PARD3B: variants seen among roughly 807,000 people sequenced by gnomAD.
PARD3B encodes the protein partitioning defective 3 homolog B.
A neutral mutation model predicts 130.2 loss-of-function variants in PARD3B; 103 were observed. That is an observed-to-expected ratio of 0.79 (90% CI 0.67 to 0.93). The LOEUF (loss-of-function observed/expected upper bound fraction) is 0.93. Among genes scored for constraint, PARD3B ranks in the 40% least tolerant of loss-of-function variants. The pLI is 0.00. For synonymous variants in PARD3B, 583 were observed against 553.2 expected, an observed-to-expected ratio of 1.05 and a Z score of -0.76; for missense variants, 1,609 against 1,499.2, an observed-to-expected ratio of 1.07 and a Z score of -1.21.
At chr2:205,161,571 C>T (rs561138298) in intron 11 of PARD3B, among the ~76,000 whole-genome samples, 1 of 152,306 alleles carries the variant, frequency 6.6e-6, no homozygotes, top group African/African-American at 2.4e-5. Context: ...TCCACTGTTA[C>T]GCCTCGGAAA....
At position 205,300,841 on chromosome 2, in the gene PARD3B, C is replaced by A; in HGVS notation, c.2392+105C>A. 1 of 1,185,402 alleles carries A rather than the reference C, an allele frequency of 8.4e-7. No homozygotes were observed. Among genetic ancestry groups the A allele is most frequent in the Non-Finnish European group, 1.2e-6 (1 of 855,850 alleles). The allele number at this position is 1,185,402 out of a possible 1,614,324, so 73.4% of individuals were successfully genotyped here. On this transcript the variant is annotated intron_variant, in intron 17 of 22. Transcript: ENST00000406610. This position sits in a 1 kb window ranked among gnomAD's most constrained non-coding sequence, Gnocchi z 4.1. ...ACAGAAAAAAATGATTTAAGGATCA[C>A]AATTATATTTTTGATATTAAAAGTA...
intron 1 of PARD3B, among the ~76,000 whole-genome samples, chr2:204,643,815 A>C (rs751075000): frequency 2.6e-5 from 4 of 152,200 alleles, no homozygotes; most frequent in Non-Finnish European, 5.9e-5. Context: ...TATTCTCCAG[A>C]AAAAGTTCAT....
chr2:205,126,267 C>G (rs756863653), intron 10 of PARD3B, among the ~76,000 whole-genome samples: 1 of 152,078 alleles, frequency 6.6e-6, no homozygotes, highest in African/African-American at 2.4e-5. Flanking sequence ...AAAATGTATA[C>G]CCTTAGACCT....
chr2:205,413,104 A>G (rs1371806194), intron 19 of PARD3B, among the ~76,000 whole-genome samples: 1 of 152,188 alleles, frequency 6.6e-6, no homozygotes, highest in Non-Finnish European at 1.5e-5. Flanking sequence ...TGTTCCCTGT[A>G]CTAGCTGTGT....
chr2:205,041,384 T>A (rs1698390225), intron 3 of PARD3B, among the ~76,000 whole-genome samples: 1 of 152,226 alleles, frequency 6.6e-6, no homozygotes, highest in Non-Finnish European at 1.5e-5. Context: ...CTATTGCTCT[T>A]CTTCAAGCCA....
chr2:204,645,201 C>T (rs1001373566), intron 1 of PARD3B, among the ~76,000 whole-genome samples: 1 of 152,116 alleles, frequency 6.6e-6, no homozygotes, highest in South Asian at 2.1e-4. Flanking sequence ...TTCATTGGCT[C>T]TATGGTATTT....
intron 21 of PARD3B, among the ~76,000 whole-genome samples, chr2:205,549,533 T>C (rs1309273127): frequency 6.6e-6 from 1 of 152,076 alleles, no homozygotes; most frequent in East Asian, 1.9e-4. Context: ...AAGAAGCCAA[T>C]CTGAAAAGAC....
At chr2:205,508,744 C>A (rs1344526665) in intron 21 of PARD3B, among the ~76,000 whole-genome samples, 2 of 151,996 alleles carry the variant, frequency 1.3e-5, no homozygotes, top group African/African-American at 4.8e-5. Flanking sequence ...AACAGTGGAA[C>A]TGAGGATTGG....
At chr2:204,773,386 G>C (rs1230013996) in intron 2 of PARD3B, among the ~76,000 whole-genome samples, 1 of 150,662 alleles carries the variant, frequency 6.6e-6, no homozygotes, top group Non-Finnish European at 1.5e-5. Flanking sequence ...GCAAATATTT[G>C]CATATATATA....
intron 22 of PARD3B, among the ~76,000 whole-genome samples, chr2:205,554,396 G>C (rs2052788236): frequency 6.6e-6 from 1 of 152,174 alleles, no homozygotes; most frequent in African/African-American, 2.4e-5. Context: ...GTGACCATCT[G>C]CTTTTATAAA....
chr2:204,753,364 T>C lies in PARD3B; in HGVS notation c.222+67082T>C, dbSNP rs542155217. Among the ~76,000 whole-genome samples the C allele has an allele frequency of 8.1e-4, 123 of 152,328 alleles. 4 individuals carry two copies. The South Asian group carries it at 0.025, about 31-fold the overall frequency. Reference sequence around the variant, plus strand: ...TTGAAAGATTTCTATTAATATATGGTATTAAATGATTCATAATTTGAAGAC... The same window carrying C: ...TTGAAAGATTTCTATTAATATATGGCATTAAATGATTCATAATTTGAAGAC... On this transcript the variant is annotated intron_variant, in intron 2 of 22. Transcript: ENST00000406610.
chr2:205,497,416 G>A (rs1432815720), intron 20 of PARD3B, among the ~76,000 whole-genome samples: 2 of 126,868 alleles, frequency 1.6e-5, no homozygotes, highest in Admixed American at 1.8e-4. Context: ...TCCAAAAGGT[G>A]TTTACTCACC....
chr2:204,657,510 A>T (rs1167436704), intron 1 of PARD3B, among the ~76,000 whole-genome samples: 1 of 151,990 alleles, frequency 6.6e-6, no homozygotes, highest in Non-Finnish European at 1.5e-5. Context: ...CTGTCTAAAA[A>T]AAAAATTTTT....
rs1309273647 is a variant in PARD3B, at chr2:205,471,932, A to C, written c.3045-27964A>C. On this transcript the variant is annotated intron_variant, in intron 20 of 22. Transcript: ENST00000406610. Reference sequence around the variant, plus strand: ...GTCAGGCCCTCTTTACAAAAGCATCAGTAACCCAGTGATCCTAGAGAAGCA... The same window carrying C: ...GTCAGGCCCTCTTTACAAAAGCATCCGTAACCCAGTGATCCTAGAGAAGCA... 2.0e-5 allele frequency among the ~76,000 whole-genome samples: 3 copies of C among 152,186 alleles called. 1 individual carries two copies. The highest frequency in any genetic ancestry group is 4.4e-5 in the Non-Finnish European group (3 of 68,038).
Position 204,610,139 on chromosome 2 carries a change from C to T in PARD3B, c.120+64020C>T, listed in dbSNP as rs192049613. Among the ~76,000 whole-genome samples the T allele has an allele frequency of 1.3e-5, 2 of 152,160 alleles. No individual in the cohort carries two copies. Among genetic ancestry groups the T allele is most frequent in the Admixed American group, 6.5e-5 (1 of 15,278 alleles). On this transcript the variant is annotated intron_variant, in intron 1 of 22. Transcript: ENST00000406610. The surrounding 1 kb of genome is among the most constrained non-coding windows in gnomAD (Gnocchi z 4.1). ...AGAGAAGAGGTTTAAGGAGGTTTGT[C>T]CCACCTCCCTTCCCATCGTGGCTGG...
chr2:205,151,966 A>C (rs1282718685), intron 10 of PARD3B, among the ~76,000 whole-genome samples: 2 of 152,126 alleles, frequency 1.3e-5, no homozygotes, highest in Non-Finnish European at 2.9e-5. Flanking sequence ...GTAGTGACAA[A>C]ATCTCTCAGC....
At chr2:205,008,524 AG>A (rs1481359144) in intron 3 of PARD3B, among the ~76,000 whole-genome samples, 1 of 152,170 alleles carries the variant, frequency 6.6e-6, no homozygotes, top group Non-Finnish European at 1.5e-5. Context: ...AATGTATTTT[AG>A]CCCAGTTCTT....
At chr2:204,706,062 G>A (rs1401920442) in intron 2 of PARD3B, among the ~76,000 whole-genome samples, 1 of 152,072 alleles carries the variant, frequency 6.6e-6, no homozygotes, top group Non-Finnish European at 1.5e-5. Flanking sequence ...AAAAAGGAGT[G>A]TAGTTTTGCA....
intron 18 of PARD3B, among the ~76,000 whole-genome samples, chr2:205,376,422 A>T (rs919725256): frequency 1.7e-5 from 2 of 117,266 alleles, no homozygotes; most frequent in African/African-American, 5.7e-5. Context: ...CACCCCTAGG[A>T]AGAATGGCAG....
Sources: gnomAD v4.1 joint callset for allele counts (sites outside exome capture counted in the v4.1 genomes callset) on GRCh38, gnomAD v4.1.1 for gene constraint, Gnocchi (gnomAD v3.1) non-coding constraint, MANE v1.5 for transcripts, NCBI Gene and HGNC (gene_info 2026-07-23, HGNC 2026-07-21) for gene names.